SWT1: variants seen among roughly 807,000 people sequenced by gnomAD.
SWT1 encodes the protein transcriptional protein SWT1.
SWT1 carries 33 observed loss-of-function variants against 107.3 expected under a neutral mutation model. That is an observed-to-expected ratio of 0.31 (90% CI 0.23 to 0.41). The LOEUF (loss-of-function observed/expected upper bound fraction) is 0.41, where lower values mean the gene tolerates loss of function less well. Among genes scored for constraint, SWT1 ranks in the 10% least tolerant of loss-of-function variants. The probability of loss-of-function intolerance (pLI) is 1.00; values close to 1 mark genes in which losing one functional copy is unlikely to be tolerated. For synonymous variants in SWT1, 345 were observed against 348.3 expected, an observed-to-expected ratio of 0.99 and a Z score of 0.11; for missense variants, 898 against 1,028.9, an observed-to-expected ratio of 0.87 and a Z score of 1.74.
At chr1:185,258,542 G>T (rs1055666891) in intron 16 of SWT1, among the ~76,000 whole-genome samples, 5 of 151,848 alleles carry the variant, frequency 3.3e-5, no homozygotes, top group African/African-American at 9.7e-5. Context: ...ATATACTGAC[G>T]TGTTTTTATT....
At chr1:185,244,871 C>T (rs77148424) in intron 16 of SWT1, among the ~76,000 whole-genome samples, 9 of 151,974 alleles carry the variant, frequency 5.9e-5, no homozygotes, top group Admixed American at 5.9e-4. Context: ...GCTTGAAGCC[C>T]GGAGTTCGAG....
In SWT1 at chr1:185,203,352, A is replaced by G. The variant is rs117805872; in HGVS notation, c.1669+553A>G. ...AATCAAGAAGTAACAGGCCGGGTGC[A>G]CTGGCTTACGCCTGTAATCCCAGCA... On this transcript the variant is annotated intron_variant, in intron 11 of 18. Transcript: ENST00000367500. 5.9e-3 allele frequency among the ~76,000 whole-genome samples: 906 copies of G among 152,308 alleles called. 33 individuals carry two copies. The East Asian group carries it at 0.096, about 16-fold the overall frequency.
At chr1:185,208,927 G>A (rs997087588) in intron 13 of SWT1, among the ~76,000 whole-genome samples, 3 of 152,088 alleles carry the variant, frequency 2.0e-5, no homozygotes, top group African/African-American at 7.2e-5. Flanking sequence ...ATTGGTGCCT[G>A]AGGCTCAAAG....
intron 6 of SWT1, among the ~76,000 whole-genome samples, chr1:185,181,277 C>CAA (rs1558018666): frequency 6.6e-6 from 1 of 152,056 alleles, no homozygotes; most frequent in South Asian, 2.1e-4. Flanking sequence ...CAAAACAAAA[C>CAA]AAAAAACTTT....
At chr1:185,224,551 T>C (rs1374402379) in intron 15 of SWT1, among the ~76,000 whole-genome samples, 2 of 152,206 alleles carry the variant, frequency 1.3e-5, no homozygotes, top group Non-Finnish European at 2.9e-5. Context: ...GCATTAAATC[T>C]GTAGATCACT....
chr1:185,277,939 A>G (rs1410837117), intron 18 of SWT1, among the ~76,000 whole-genome samples: 3 of 152,020 alleles, frequency 2.0e-5, no homozygotes, highest in Non-Finnish European at 4.4e-5. Context: ...TATAGCATTC[A>G]TACATAACAA....
chr1:185,165,467 C>A (rs1654490078), intron 2 of SWT1, among the ~76,000 whole-genome samples: 1 of 152,164 alleles, frequency 6.6e-6, no homozygotes, highest in African/African-American at 2.4e-5. Context: ...CTGACTATCT[C>A]CTTTACTGCT....
intron 17 of SWT1, among the ~76,000 whole-genome samples, chr1:185,273,571 C>T (rs571156852): frequency 3.3e-5 from 5 of 151,418 alleles, no homozygotes; most frequent in African/African-American, 7.3e-5. Flanking sequence ...GGTATGGTGG[C>T]GGATGTCTGT....
Position 185,168,401 on chromosome 1 carries a change from A to G in SWT1, c.224+3A>G. The stretch of plus-strand genomic sequence containing the variant: ...AAAAGAAGACAAGGACTGAAAAGGT[A>G]AATTTCTCCTTTTTCTTTTTACTGT... On this transcript the variant is annotated splice_donor_region_variant and intron_variant, in intron 4 of 18. Coordinates refer to ENST00000367500, the MANE Select transcript of SWT1 (RefSeq NM_017673.7). 4 of 1,376,430 alleles carry G rather than the reference A, an allele frequency of 2.9e-6. No homozygotes were observed. Among genetic ancestry groups the G allele is most frequent in the Non-Finnish European group, 3.9e-6 (4 of 1,026,020 alleles). 85.3% of individuals were successfully genotyped at this position (1,376,430 alleles called of 1,614,324 possible).
At position 185,174,935 on chromosome 1, in the gene SWT1, A is replaced by C. The variant is rs1241368859; in HGVS notation, c.788A>C (p.Lys263Thr). 6.2e-7 allele frequency: 1 copy of C among 1,613,954 alleles called. No individual in the cohort carries two copies. The highest frequency in any genetic ancestry group is 1.7e-5 in the Admixed American group (1 of 59,986). Reference sequence around the variant, plus strand: ...ATAGATTCTAATAATTCGAAGACTAAGCAGGAAGAAAGAGAATACCTGGAA... The same window carrying C: ...ATAGATTCTAATAATTCGAAGACTACGCAGGAAGAAAGAGAATACCTGGAA... The part of the protein sequence containing the change: ...FNIDSNNSKT[K>T]QEEREYLESS... The change falls in exon 5 of 19, where the codon AAG becomes ACG. Residue 263 changes from lysine to threonine, a missense_variant. Transcript: ENST00000367500.
chr1:185,266,283 C>G (rs1571663530), intron 16 of SWT1, among the ~76,000 whole-genome samples: 1 of 152,200 alleles, frequency 6.6e-6, no homozygotes, highest in Non-Finnish European at 1.5e-5. Context: ...CCAGGATGGT[C>G]TCGATCTCCT....
At chr1:185,234,699 C>T (rs1453656897) in intron 16 of SWT1, among the ~76,000 whole-genome samples, 1 of 152,146 alleles carries the variant, frequency 6.6e-6, no homozygotes, top group East Asian at 1.9e-4. Context: ...GCAGTTTCTT[C>T]ATAGTGTCGA....
At chr1:185,159,389 G>A (rs1653944949) in intron 1 of SWT1, among the ~76,000 whole-genome samples, 1 of 152,174 alleles carries the variant, frequency 6.6e-6, no homozygotes. Context: ...GTTTTTCTGG[G>A]ATAGTCCACA....
intron 2 of SWT1, among the ~76,000 whole-genome samples, chr1:185,165,407 A>G (rs1654484402): frequency 6.6e-6 from 1 of 152,210 alleles, no homozygotes; most frequent in Admixed American, 6.5e-5. Context: ...TTATCTATGA[A>G]GTACAATAAA....
At chr1:185,267,217 A>G (rs2102715543) in intron 16 of SWT1, among the ~76,000 whole-genome samples, 2 of 152,322 alleles carry the variant, frequency 1.3e-5, no homozygotes, top group East Asian at 1.9e-4. Context: ...CGTGTGCCCT[A>G]TGTTGTGCTA....
At chr1:185,163,560 A>AT (rs566267189) in intron 2 of SWT1, among the ~76,000 whole-genome samples, 1 of 151,930 alleles carries the variant, frequency 6.6e-6, no homozygotes, top group Non-Finnish European at 1.5e-5. Context: ...TGCCCAGCTA[A>AT]TTTTTTAATA....
At chr1:185,219,945 A>G (rs977268376) in intron 14 of SWT1, among the ~76,000 whole-genome samples, 2 of 151,880 alleles carry the variant, frequency 1.3e-5, no homozygotes, top group African/African-American at 4.8e-5. Flanking sequence ...TGGGCAACCA[A>G]CCAGCCTGGG....
intron 9 of SWT1, among the ~76,000 whole-genome samples, chr1:185,189,545 A>C (rs1656767480): frequency 6.6e-6 from 1 of 152,166 alleles, no homozygotes; most frequent in Non-Finnish European, 1.5e-5. Context: ...GAAAATGTTA[A>C]GTTACTTATA....
chr1:185,184,456 A>G, intron 8 of SWT1, 112 bp downstream of exon 8: 1 of 682,912 alleles, frequency 1.5e-6, no homozygotes, highest in Non-Finnish European at 2.5e-6. Context: ...GATATGCTAT[A>G]TATTAAGCAT....
Sources: gnomAD v4.1 joint callset for allele counts (sites outside exome capture counted in the v4.1 genomes callset) on GRCh38, gnomAD v4.1.1 for gene constraint, MANE v1.5 for transcripts, NCBI Gene and HGNC (gene_info 2026-07-23, HGNC 2026-07-21) for gene names.